CFHR5: variants seen among roughly 807,000 people sequenced by gnomAD.
The protein encoded by CFHR5 is complement factor H related 5, also known as complement factor H-related protein 5.
In CFHR5, 73 loss-of-function variants were observed where a neutral mutation model predicts 62.9. The observed-to-expected ratio is 1.16, with a 90% confidence interval of 0.96 to 1.41. The LOEUF (loss-of-function observed/expected upper bound fraction) is 1.41, where lower values mean the gene tolerates loss of function less well. Among genes scored for constraint, CFHR5 ranks in the 40% most tolerant of loss-of-function variants. The probability of loss-of-function intolerance (pLI) is 0.00; values close to 1 mark genes in which losing one functional copy is unlikely to be tolerated. For synonymous variants in CFHR5, 249 were observed against 227.2 expected (o/e 1.10, Z -0.86); for missense variants, 779 against 679.9 (o/e 1.15, Z -1.62).
chr1:196,977,517 T>C, upstream of CFHR5: 2 of 736,252 alleles, frequency 2.7e-6, no homozygotes, highest in Non-Finnish European at 5.0e-6. Context: ...TGAACTTTGA[T>C]GTTTTCCACA....
chr1:197,006,748 C>T (rs1335571868), intron 9 of CFHR5, among the ~76,000 whole-genome samples: 4 of 151,790 alleles, frequency 2.6e-5, no homozygotes, highest in Non-Finnish European at 5.9e-5. Context: ...CAAAACCAGA[C>T]ATAAATTTAT....
chr1:196,976,974 T>A (rs944929836), upstream of CFHR5, among the ~76,000 whole-genome samples: 3 of 151,236 alleles, frequency 2.0e-5, no homozygotes, highest in Non-Finnish European at 3.0e-5. Context: ...CTGGCTAAAT[T>A]TTTTTTGTAT....
At chr1:196,989,242 T>C (rs1338303416) in intron 3 of CFHR5, among the ~76,000 whole-genome samples, 1 of 152,182 alleles carries the variant, frequency 6.6e-6, no homozygotes, top group Non-Finnish European at 1.5e-5. Flanking sequence ...TTATTGCATC[T>C]GCTTGATTCA....
At chr1:196,993,212 C>T (rs1160841284) in intron 3 of CFHR5, among the ~76,000 whole-genome samples, 3 of 151,848 alleles carry the variant, frequency 2.0e-5, no homozygotes, top group African/African-American at 4.8e-5. Flanking sequence ...ATTTAGTTAC[C>T]CTTTTGTAAA....
At chr1:196,999,753 A>G (rs1654093587) in intron 7 of CFHR5, among the ~76,000 whole-genome samples, 1 of 141,942 alleles carries the variant, frequency 7.0e-6, no homozygotes, top group Non-Finnish European at 1.5e-5. Flanking sequence ...ACACACACAT[A>G]TGTATATACA....
At chr1:196,995,107 T>C (rs1431716476) in intron 4 of CFHR5, among the ~76,000 whole-genome samples, 1 of 152,164 alleles carries the variant, frequency 6.6e-6, no homozygotes, top group Non-Finnish European at 1.5e-5. Context: ...TAACTATACA[T>C]TGCATATGTA....
intron 4 of CFHR5, among the ~76,000 whole-genome samples, chr1:196,994,778 G>T (rs779949312): frequency 8.1e-4 from 123 of 152,248 alleles, no homozygotes; most frequent in Non-Finnish European, 1.2e-3. Flanking sequence ...AAAAGAAAGA[G>T]TTTTAATGGA....
chr1:196,985,578 T>C (rs1284533769), intron 3 of CFHR5, among the ~76,000 whole-genome samples: 1 of 152,160 alleles, frequency 6.6e-6, no homozygotes, highest in Non-Finnish European at 1.5e-5. Context: ...TCAGTTATGG[T>C]ATAAATATTT....
At chr1:196,976,655 A>G (rs977816675), upstream of CFHR5, among the ~76,000 whole-genome samples, 1 of 152,180 alleles carries the variant, frequency 6.6e-6, no homozygotes, top group East Asian at 1.9e-4. Context: ...ATTTTTATCC[A>G]GTTTTATTGC....
upstream of CFHR5, among the ~76,000 whole-genome samples, chr1:196,977,354 A>G (rs1653420763): frequency 6.6e-6 from 1 of 151,684 alleles, no homozygotes; most frequent in South Asian, 2.1e-4. Flanking sequence ...TAAACAGTCC[A>G]TTTCTGATTG....
chr1:196,997,821 G>T (rs752727291), intron 6 of CFHR5, among the ~76,000 whole-genome samples: 6 of 152,072 alleles, frequency 3.9e-5, no homozygotes, highest in Non-Finnish European at 8.8e-5. Flanking sequence ...TACATTTTCA[G>T]AGCCTCTAAC....
At chr1:196,996,377 A>G (rs574111435) in intron 6 of CFHR5, among the ~76,000 whole-genome samples, 176 bp downstream of exon 6, 3 of 152,134 alleles carry the variant, frequency 2.0e-5, no homozygotes, top group Non-Finnish European at 4.4e-5. Flanking sequence ...ATATGGTTTT[A>G]TGAATTTCTT....
chr1:196,981,690 A>G (rs1452433375), intron 1 of CFHR5, among the ~76,000 whole-genome samples: 1 of 151,870 alleles, frequency 6.6e-6, no homozygotes. Context: ...GACTCTTTTC[A>G]CCCCCAGCAG....
rs1385233164 is a variant in CFHR5, at chr1:196,995,794, C to G, written c.685C>G (p.His229Asp). 6.2e-7 allele frequency: 1 copy of G among 1,612,096 alleles called. No homozygotes were observed. Among genetic ancestry groups the G allele is most frequent in the Admixed American group, 1.7e-5 (1 of 59,954 alleles). ...VKEIRKEEYG[H>D]NEVVEYDCNP... The stretch of plus-strand genomic sequence containing the variant: ...GGAGATAAGAAAAGAGGAATATGGA[C>G]ACAATGAAGTAGTGGAATATGATTG... Residue 229 changes from histidine to aspartate, a missense_variant, in exon 5 of 10, where the codon CAC becomes GAC. Coordinates refer to ENST00000256785, the MANE Select transcript of CFHR5 (RefSeq NM_030787.4).
intron 1 of CFHR5, among the ~76,000 whole-genome samples, chr1:196,981,430 T>G (rs1192468554): frequency 6.6e-6 from 1 of 151,998 alleles, no homozygotes; most frequent in East Asian, 1.9e-4. Context: ...AGGAAATCTC[T>G]GTACCTTCCA....
chr1:196,978,076 A>G (rs1653444844), intron 1 of CFHR5, among the ~76,000 whole-genome samples: 1 of 152,146 alleles, frequency 6.6e-6, no homozygotes, highest in East Asian at 1.9e-4. Context: ...ATCAACCCCA[A>G]AAGATTTGGC....
At chr1:197,008,365 A>G (rs1654346142) in intron 9 of CFHR5, 122 bp from the exon 10 acceptor site, 6 of 444,374 alleles carry the variant, frequency 1.4e-5, no homozygotes, top group East Asian at 9.5e-5. Flanking sequence ...TATTTTTTAA[A>G]TAAATATTAA....
chr1:196,983,213 C>A, intron 2 of CFHR5, 134 bp downstream of exon 2: 1 of 1,166,634 alleles, frequency 8.6e-7, no homozygotes, highest in Non-Finnish European at 1.3e-6. Flanking sequence ...ATGTAGTCCT[C>A]CTATTTTGAG....
chr1:196,978,894 C>T (rs1398800086), intron 1 of CFHR5, among the ~76,000 whole-genome samples: 1 of 151,942 alleles, frequency 6.6e-6, no homozygotes, highest in Non-Finnish European at 1.5e-5. Context: ...AATTCCTAAC[C>T]CCACAAAACT....
Sources: allele counts gnomAD v4.1 joint callset (sites outside exome capture counted in the v4.1 genomes callset), GRCh38; gene constraint gnomAD v4.1.1; transcripts MANE v1.5; gene names NCBI Gene and HGNC (gene_info 2026-07-23, HGNC 2026-07-21).